Variants in COLEC10 observed in about 807,000 individuals in gnomAD.
The protein encoded by COLEC10 is collectin-10.
COLEC10 carries 22 observed loss-of-function variants against 28.4 expected under a neutral mutation model. The observed-to-expected ratio is 0.78, with a 90% CI of 0.55 to 1.11. COLEC10 has a LOEUF of 1.11. COLEC10 is among the 50% of genes least tolerant of loss of function. COLEC10 has a pLI of 0.00. For synonymous variants in COLEC10, 125 were observed against 116.1 expected, an observed-to-expected ratio of 1.08 and a Z score of -0.49; for missense variants, 361 against 344.1, an observed-to-expected ratio of 1.05 and a Z score of -0.39.
the COLEC10 span, among the ~76,000 whole-genome samples, chr8:118,964,335 T>G: frequency 1.3e-5 from 2 of 152,190 alleles, no homozygotes; most frequent in Non-Finnish European, 2.9e-5. Flanking sequence ...TCCCTTCTCA[T>G]AGAATATAGA....
chr8:118,967,019 A>G, the COLEC10 span, among the ~76,000 whole-genome samples: 2 of 152,074 alleles, frequency 1.3e-5, no homozygotes, highest in African/African-American at 4.8e-5. Context: ...TTGAGTTCCT[A>G]GATTGCTCCA....
the COLEC10 span, among the ~76,000 whole-genome samples, chr8:118,964,288 A>T: frequency 6.6e-6 from 1 of 152,152 alleles, no homozygotes; most frequent in South Asian, 2.1e-4. Context: ...ATTTTTGCAG[A>T]TGTCCTTTCT....
At chr8:119,033,871 C>T (rs1156862975) in intron 2 of COLEC10, among the ~76,000 whole-genome samples, 3 of 152,122 alleles carry the variant, frequency 2.0e-5, no homozygotes, top group Non-Finnish European at 4.4e-5. Context: ...TACCATCTGA[C>T]CCAGCAATCC....
intron 3 of COLEC10, among the ~76,000 whole-genome samples, chr8:119,096,676 A>G (rs1221833331): frequency 6.6e-6 from 1 of 152,108 alleles, no homozygotes; most frequent in East Asian, 1.9e-4. Context: ...AGAATTGGCT[A>G]TGTGCTACCT....
At chr8:119,006,662 C>T (rs1813804474) in intron 1 of COLEC10, among the ~76,000 whole-genome samples, 1 of 152,024 alleles carries the variant, frequency 6.6e-6, no homozygotes, top group African/African-American at 2.4e-5. Context: ...GGATTTTCAT[C>T]TGTCCCAAAT....
intron 1 of COLEC10, among the ~76,000 whole-genome samples, chr8:119,077,735 A>G (rs766857355): frequency 6.6e-6 from 1 of 152,208 alleles, no homozygotes; most frequent in Non-Finnish European, 1.5e-5. Context: ...TAGGATTGAC[A>G]TTTTAATAAG....
At chr8:119,016,860 G>T (rs1245072422) in intron 2 of COLEC10, among the ~76,000 whole-genome samples, 1 of 152,074 alleles carries the variant, frequency 6.6e-6, no homozygotes, top group Non-Finnish European at 1.5e-5. Flanking sequence ...GGGACTACAG[G>T]TACCCACCAC....
intron 2 of COLEC10, 43 bp downstream of exon 2, chr8:119,089,794 G>C: frequency 6.6e-7 from 1 of 1,514,776 alleles, no homozygotes; most frequent in Non-Finnish European, 9.2e-7. Context: ...TATCATAATT[G>C]TTCTTCTATC....
At chr8:119,025,795 T>C (rs1410571678) in intron 2 of COLEC10, among the ~76,000 whole-genome samples, 1 of 152,154 alleles carries the variant, frequency 6.6e-6, no homozygotes, top group East Asian at 1.9e-4. Context: ...AAATAGGCAA[T>C]GTTAGAAAAC....
intron 1 of COLEC10, among the ~76,000 whole-genome samples, chr8:119,006,138 T>G (rs1813791444): frequency 6.6e-6 from 1 of 152,098 alleles, no homozygotes; most frequent in Non-Finnish European, 1.5e-5. Flanking sequence ...TACTGGGTAT[T>G]TATATTTCTG....
intron 1 of COLEC10, among the ~76,000 whole-genome samples, chr8:119,087,860 A>G (rs992948709): frequency 3.9e-5 from 6 of 152,168 alleles, no homozygotes; most frequent in African/African-American, 1.2e-4. Flanking sequence ...TAGGCAAGCA[A>G]CTTAACCACA....
At chr8:119,080,222 A>T (rs1815342275) in intron 1 of COLEC10, among the ~76,000 whole-genome samples, 1 of 152,094 alleles carries the variant, frequency 6.6e-6, no homozygotes, top group African/African-American at 2.4e-5. Context: ...ACTTCTGGGC[A>T]TAGATCATAT....
chr8:118,998,508 T>C (rs144130016), intron 1 of COLEC10, among the ~76,000 whole-genome samples: 17 of 152,140 alleles, frequency 1.1e-4, no homozygotes, highest in Admixed American at 4.6e-4. Flanking sequence ...AGCCAAGTGA[T>C]TTTTTACCAT....
intron 2 of COLEC10, among the ~76,000 whole-genome samples, chr8:119,029,337 G>A (rs563755397): frequency 6.6e-6 from 1 of 152,260 alleles, no homozygotes; most frequent in East Asian, 1.9e-4. Context: ...TCTGGGAGAC[G>A]ATCAGCAATC....
intron 1 of COLEC10, among the ~76,000 whole-genome samples, chr8:119,069,621 A>AT: frequency 3.2e-5 from 2 of 61,712 alleles, no homozygotes; most frequent in South Asian, 1.5e-3. Context: ...AAAAAAAAAA[A>AT]AAAAAAAAAT....
chr8:118,962,514 T>C, the COLEC10 span, among the ~76,000 whole-genome samples: 1 of 152,192 alleles, frequency 6.6e-6, no homozygotes, highest in African/African-American at 2.4e-5. Context: ...TTTGGACATA[T>C]GTGAACACCT....
chr8:119,041,998 G>GT (rs1456457179), intron 2 of COLEC10, among the ~76,000 whole-genome samples: 28 of 151,380 alleles, frequency 1.8e-4, no homozygotes, highest in Non-Finnish European at 3.1e-4. Context: ...ATTGTTTTTG[G>GT]TTTTTTTTGG....
chr8:119,090,361 G>C (rs191589067), intron 2 of COLEC10, among the ~76,000 whole-genome samples: 30 of 152,300 alleles, frequency 2.0e-4, no homozygotes, highest in African/African-American at 7.0e-4. Context: ...CTTCTAGGTT[G>C]TGATGTGTAT....
intron 2 of COLEC10, among the ~76,000 whole-genome samples, chr8:119,028,980 C>G (rs1433721091): frequency 6.6e-6 from 1 of 152,180 alleles, no homozygotes; most frequent in African/African-American, 2.4e-5. Context: ...GGAAATGTGG[C>G]TCCAGCTCTC....
Sources: allele counts gnomAD v4.1 joint callset (sites outside exome capture counted in the v4.1 genomes callset), GRCh38; gene constraint gnomAD v4.1.1; transcripts MANE v1.5; gene names NCBI Gene and HGNC (gene_info 2026-07-23, HGNC 2026-07-21).